Variants in GPHN observed in about 807,000 individuals in gnomAD.
The protein encoded by GPHN is gephyrin.
In GPHN, 17 loss-of-function variants were observed where a neutral mutation model predicts 95.5. That is an observed-to-expected ratio of 0.18 (90% confidence interval 0.12 to 0.27). GPHN has a LOEUF of 0.27. Ranked by LOEUF, GPHN falls within the 10% of genes least tolerant of loss-of-function variation. The probability of loss-of-function intolerance (pLI) is 1.00; values close to 1 mark genes in which losing one functional copy is unlikely to be tolerated. For synonymous variants in GPHN, 320 were observed against 322.5 expected (o/e 0.99, Z 0.08); for missense variants, 660 against 978.1 (o/e 0.67, Z 4.34).
the GPHN span, among the ~76,000 whole-genome samples, chr14:67,289,767 TCC>T: frequency 4.7e-5 from 6 of 127,118 alleles, no homozygotes; most frequent in East Asian, 4.8e-4. Context: ...TTTTTCCATG[TCC>T]TTTTTTTTTT....
chr14:67,636,372 G>A, the GPHN span, among the ~76,000 whole-genome samples: 5 of 152,218 alleles, frequency 3.3e-5, no homozygotes, highest in African/African-American at 1.2e-4. Context: ...GAGCTATTCA[G>A]CCTTGCTGAA....
chr14:67,588,612 CCT>C, the GPHN span: 1 of 152,104 alleles, frequency 6.6e-6, no homozygotes. Flanking sequence ...CACACCCTCC[CCT>C]AACAAAAACA....
the GPHN span, chr14:67,454,379 C>T: frequency 6.6e-6 from 1 of 152,200 alleles, no homozygotes; most frequent in African/African-American, 2.4e-5. Flanking sequence ...GTCATCCCTC[C>T]GTCTTCTAAG....
chr14:67,410,523 G>C, the GPHN span, among the ~76,000 whole-genome samples: 1 of 152,146 alleles, frequency 6.6e-6, no homozygotes, highest in Non-Finnish European at 1.5e-5. Flanking sequence ...TGGGCGTGGC[G>C]CTTTGTACTG....
chr14:67,585,229 C>A, the GPHN span: 1 of 196,514 alleles, frequency 5.1e-6, no homozygotes, highest in Admixed American at 5.7e-5. Flanking sequence ...CCCCATTCCC[C>A]TAACAGAGCA....
At chr14:66,904,960 C>A (rs542306720) in intron 5 of GPHN, among the ~76,000 whole-genome samples, 2 of 152,194 alleles carry the variant, frequency 1.3e-5, no homozygotes, top group South Asian at 2.1e-4. Flanking sequence ...ATATTTATAT[C>A]CTTGTGAAGA....
intron 1 of GPHN, among the ~76,000 whole-genome samples, chr14:66,578,612 A>G (rs1442552193): frequency 7.2e-6 from 1 of 139,640 alleles, no homozygotes; most frequent in Non-Finnish European, 1.5e-5. Context: ...TATGGCTATC[A>G]TTAGATTTTT....
intron 1 of GPHN, among the ~76,000 whole-genome samples, chr14:66,564,927 G>A (rs2060401129): frequency 1.3e-5 from 2 of 152,080 alleles, no homozygotes; most frequent in African/African-American, 4.8e-5. Flanking sequence ...TAGTGTTCTT[G>A]TCCTTCTTCC....
chr14:67,299,844 TTTTGTATACCC>T, the GPHN span, among the ~76,000 whole-genome samples: 3 of 152,348 alleles, frequency 2.0e-5, no homozygotes, highest in South Asian at 4.1e-4. Context: ...ACTCAGTGTA[TTTTGTATACCC>T]TTGGTACATT....
At chr14:67,263,277 C>T in the GPHN span, among the ~76,000 whole-genome samples, 1 of 152,150 alleles carries the variant, frequency 6.6e-6, no homozygotes, top group East Asian at 1.9e-4. Flanking sequence ...CTCCTCCCAC[C>T]CCTTTATATT....
At chr14:66,692,344 T>G (rs2067837787) in intron 2 of GPHN, among the ~76,000 whole-genome samples, 1 of 152,198 alleles carries the variant, frequency 6.6e-6, no homozygotes. Flanking sequence ...TACTAACATT[T>G]ATCAACTACC....
the GPHN span, among the ~76,000 whole-genome samples, chr14:67,325,979 C>CTTTTT: frequency 1.5e-3 from 167 of 110,084 alleles, no homozygotes; most frequent in Middle Eastern, 4.5e-3. Flanking sequence ...CGGCTCTTTT[C>CTTTTT]TTTTTTTTTT....
At chr14:67,152,545 C>T (rs1412408112) in intron 18 of GPHN, among the ~76,000 whole-genome samples, 1 of 152,108 alleles carries the variant, frequency 6.6e-6, no homozygotes, top group East Asian at 1.9e-4. Flanking sequence ...TCTTGACTAC[C>T]CAGGTAATCA....
At chr14:66,795,339 A>G (rs994358079) in intron 3 of GPHN, among the ~76,000 whole-genome samples, 1 of 152,176 alleles carries the variant, frequency 6.6e-6, no homozygotes, top group African/African-American at 2.4e-5. Context: ...TTTTAAATGT[A>G]AATGACTCTT....
intron 2 of GPHN, among the ~76,000 whole-genome samples, chr14:66,728,399 A>G (rs778564434): frequency 6.6e-6 from 1 of 152,222 alleles, no homozygotes; most frequent in Non-Finnish European, 1.5e-5. Flanking sequence ...ATCCACTGAT[A>G]GCTTATACTG....
intron 2 of GPHN, among the ~76,000 whole-genome samples, chr14:66,726,673 A>T (rs2071269961): frequency 6.6e-6 from 1 of 152,214 alleles, no homozygotes; most frequent in South Asian, 2.1e-4. Context: ...CAGAATAACA[A>T]AGTCTGTATT....
intron 4 of GPHN, among the ~76,000 whole-genome samples, chr14:66,858,042 C>G (rs1013299850): frequency 6.6e-6 from 1 of 152,196 alleles, no homozygotes. Context: ...GCCTTGCCAC[C>G]ACAGGCTAAA....
At chr14:66,584,579 T>C (rs1288874767) in intron 1 of GPHN, among the ~76,000 whole-genome samples, 1 of 152,194 alleles carries the variant, frequency 6.6e-6, no homozygotes, top group Admixed American at 6.5e-5. Context: ...TCTAATTTAT[T>C]GAGAGTTTTT....
the GPHN span, among the ~76,000 whole-genome samples, chr14:67,549,781 G>A: frequency 1.3e-5 from 2 of 152,216 alleles, no homozygotes; most frequent in Admixed American, 1.3e-4. Context: ...TTACAGTGTG[G>A]TCTGTGGACC....
Sources: gnomAD v4.1 joint callset for allele counts (sites outside exome capture counted in the v4.1 genomes callset) on GRCh38, gnomAD v4.1.1 for gene constraint, MANE v1.5 for transcripts, NCBI Gene and HGNC (gene_info 2026-07-23, HGNC 2026-07-21) for gene names.